Variants in GRK7 observed in about 807,000 individuals in gnomAD.
The protein encoded by GRK7 is rhodopsin kinase GRK7.
Under a neutral mutation model 34.1 loss-of-function variants are expected in GRK7, and 24 were observed. The observed-to-expected ratio is 0.70, with a 90% confidence interval of 0.51 to 0.99. The LOEUF (loss-of-function observed/expected upper bound fraction) is 0.99, where lower values mean the gene tolerates loss of function less well. GRK7 is among the 50% of genes least tolerant of loss of function. The pLI, the probability that GRK7 is intolerant of heterozygous loss-of-function variation, is 0.00. For synonymous variants in GRK7, 256 were observed against 279.4 expected, an observed-to-expected ratio of 0.92 and a Z score of 0.84; for missense variants, 644 against 707.3, an observed-to-expected ratio of 0.91 and a Z score of 1.02.
intron 5 of GRK7, among the ~76,000 whole-genome samples, chr3:141,813,423 G>A (rs753347809): frequency 2.0e-5 from 3 of 152,132 alleles, no homozygotes; most frequent in Non-Finnish European, 4.4e-5. Flanking sequence ...CATGGTGCCC[G>A]GCCTAAAAAT....
Position 141,810,349 on chromosome 3 carries a change from T to G in GRK7, c.1325+2430T>G, listed in dbSNP as rs1404485701. 8.2e-5 allele frequency among the ~76,000 whole-genome samples: 12 copies of G among 146,176 alleles called. No homozygotes were observed. In the South Asian group the frequency reaches 2.6e-3, roughly 31 times the overall value. On this transcript the variant is annotated intron_variant, in intron 5 of 5. Coordinates refer to ENST00000682958, the MANE Select transcript of GRK7 (RefSeq NM_139209.3). ...CTCCCTCTCTCTCTCTCTCGCCTCTTTTCTCTCTCTCTCTCCCATCCCTCC... is the reference window on the plus strand; with the variant it reads ...CTCCCTCTCTCTCTCTCTCGCCTCTGTTCTCTCTCTCTCTCCCATCCCTCC...
At chr3:141,766,759 G>A (rs1232949436) in intron 1 of GRK7, among the ~76,000 whole-genome samples, 1 of 152,012 alleles carries the variant, frequency 6.6e-6, no homozygotes, top group Non-Finnish European at 1.5e-5. Flanking sequence ...TGCTAACATT[G>A]TATTGTTTGG....
intron 5 of GRK7, among the ~76,000 whole-genome samples, chr3:141,815,007 C>T (rs1711136164): frequency 6.9e-6 from 1 of 145,456 alleles, no homozygotes; most frequent in South Asian, 2.4e-4. Flanking sequence ...TCACTGCAAT[C>T]TCCGCCTCCT....
At chr3:141,815,226 G>GTTTTT (rs758074179) in intron 5 of GRK7, among the ~76,000 whole-genome samples, 4 of 104,254 alleles carry the variant, frequency 3.8e-5, no homozygotes, top group African/African-American at 1.6e-4. Flanking sequence ...TGTCTGGTTG[G>GTTTTT]TTTTTTTTGT....
intron 4 of GRK7, among the ~76,000 whole-genome samples, chr3:141,795,994 C>T (rs941534377): frequency 1.3e-5 from 2 of 152,030 alleles, no homozygotes; most frequent in Admixed American, 6.6e-5. Flanking sequence ...TAATGGTTGC[C>T]GTGTCATCTA....
At chr3:141,762,631 G>C (rs1465934563), upstream of GRK7, among the ~76,000 whole-genome samples, 1 of 151,930 alleles carries the variant, frequency 6.6e-6, no homozygotes, top group African/African-American at 2.4e-5. Flanking sequence ...CTTGAGCTGT[G>C]GTGGGCTCCA....
At chr3:141,768,661 T>C (rs1414895680) in intron 1 of GRK7, among the ~76,000 whole-genome samples, 1 of 152,104 alleles carries the variant, frequency 6.6e-6, no homozygotes, top group African/African-American at 2.4e-5. Flanking sequence ...CCCCATCATA[T>C]GTCTCTCCCT....
In GRK7 at chr3:141,811,318, CA is replaced by C. The variant is rs201184972; in HGVS notation, c.1325+3408del. Among the ~76,000 whole-genome samples the C allele has an allele frequency of 7.7e-3, 1,147 of 149,608 alleles. 15 individuals are homozygous for C. Among genetic ancestry groups the C allele is most frequent in the African/African-American group, 0.026 (1,071 of 40,740 alleles). On this transcript the variant is annotated intron_variant, in intron 5 of 5. Transcript: ENST00000682958. ...GGGCAATAAGAGCAAAACTCTGTCT[CA>C]AAAAAAAATTAAAAAAACAAAAATA...
At chr3:141,771,952 C>T (rs2084619174) in intron 1 of GRK7, among the ~76,000 whole-genome samples, 1 of 151,854 alleles carries the variant, frequency 6.6e-6, no homozygotes, top group Admixed American at 6.6e-5. Context: ...CCCAAAAGTG[C>T]TGGGATTACA....
rs200073302 is a variant in GRK7, at chr3:141,816,959, C to G, written c.1571C>G (p.Thr524Arg). The change falls in exon 6 of 6, where the codon ACG becomes AGG. Residue 524 changes from threonine (T) to arginine (R), a missense_variant. Transcript: ENST00000682958. The part of the protein sequence containing the change: ...PIAWQEEIIE[T>R]GLFEELNDPN... ...GCATGGCAGGAAGAAATTATAGAAA[C>G]GGGACTGTTTGAGGAACTGAATGAC... 6.2e-7 allele frequency: 1 copy of G among 1,613,902 alleles called. No homozygotes were observed. Among genetic ancestry groups the G allele is most frequent in the Admixed American group, 1.7e-5 (1 of 59,976 alleles).
In GRK7 at chr3:141,778,781, TC is replaced by T. The variant is rs1321794281; in HGVS notation, c.498del (p.Phe166LeufsTer2). The T allele has an allele frequency of 6.2e-7, 1 of 1,607,742 alleles. No individual in the cohort carries two copies. Among genetic ancestry groups the T allele is most frequent in the Admixed American group, 1.7e-5 (1 of 58,624 alleles). On this transcript the variant is annotated frameshift_variant, in exon 3 of 6. Coordinates refer to ENST00000682958, the MANE Select transcript of GRK7 (RefSeq NM_139209.3). LOFTEE classifies it high-confidence loss of function. The surrounding 1 kb of genome is among the most constrained non-coding windows in gnomAD (Gnocchi z 4.1). The stretch of plus-strand genomic sequence containing the variant: ...TTGCAAGAGCAGCCCTTTAAGGATT[TC>T]GTGACCAGCGCCTTCTACGACAAGT... Reference protein sequence around the residue: ...AFLQEQPFKDFVTSAFYDKFL... With the variant: ...AFLQEQPFKDXVTSAFYDKFL...
rs575663254 is a variant in GRK7, at chr3:141,814,997, T to C, written c.1326-1717T>C. On this transcript the variant is annotated intron_variant, in intron 5 of 5. Transcript: ENST00000682958. ...TGGAGTGCAGTGGCACAATCTTGGC[T>C]CACTGCAATCTCCGCCTCCTGGGTT... 1.3e-3 allele frequency among the ~76,000 whole-genome samples: 199 copies of C among 147,766 alleles called. 1 individual carries two copies. The highest frequency in any genetic ancestry group is 2.4e-3 in the Non-Finnish European group (164 of 67,036).
the GRK7 span, among the ~76,000 whole-genome samples, chr3:141,757,147 C>CTTTTTTTTTTTTTTTTTTTTTTTTTTTT: frequency 1.1e-5 from 1 of 89,452 alleles, no homozygotes; most frequent in Non-Finnish European, 2.2e-5. Flanking sequence ...TTTTTTTTTT[C>CTTTTTTTTTTTTTTTTTTTTTTTTTTTT]TTTTTTTTTT....
chr3:141,778,746 C>T lies in GRK7; in HGVS notation c.462C>T (p.Ala154=). Residue 154 remains alanine (A), a synonymous_variant, in exon 3 of 6, where the codon GCC becomes GCT. Transcript: ENST00000682958. This position sits in a 1 kb window ranked among gnomAD's most constrained non-coding sequence, Gnocchi z 4.1. The part of the protein sequence containing the change: ...VAAVTLAKAE[A]MAFLQEQPFK... ...CAGTGACGCTGGCCAAGGCTGAGGC[C>T]ATGGCTTTCTTGCAAGAGCAGCCCT... is the stretch of plus-strand genomic sequence containing the variant. 2 of 1,609,650 alleles carry T rather than the reference C, an allele frequency of 1.2e-6. No homozygotes were observed. Among genetic ancestry groups the T allele is most frequent in the South Asian group, 2.2e-5 (2 of 90,354 alleles).
intron 4 of GRK7, among the ~76,000 whole-genome samples, chr3:141,802,357 C>T (rs1007987046): frequency 7.0e-6 from 1 of 143,048 alleles, no homozygotes; most frequent in Non-Finnish European, 1.5e-5. Flanking sequence ...CTCTTTCTCT[C>T]TTTCTCTGTC....
chr3:141,753,168 C>G, the GRK7 span, among the ~76,000 whole-genome samples: 2 of 152,330 alleles, frequency 1.3e-5, no homozygotes, highest in South Asian at 2.1e-4. Flanking sequence ...AACACTGTCT[C>G]AGTAAAATAC....
Position 141,778,848 on chromosome 3 carries a change from C to A in GRK7, c.564C>A (p.Asp188Glu). The change falls in exon 3 of 6, where the codon GAC becomes GAA. Residue 188 changes from aspartate to glutamate, a missense_variant. Physicochemically the swap from Asp to Glu is conservative, Grantham distance 45. Coordinates refer to ENST00000682958, the MANE Select transcript of GRK7 (RefSeq NM_139209.3). The surrounding 1 kb of genome is among the most constrained non-coding windows in gnomAD (Gnocchi z 4.1). ...WKLFEMQPVS[D>E]KYFTEFRVLG... Reference sequence around the variant, plus strand: ...TCTTCGAGATGCAACCAGTGTCAGACAAGTACTTCACTGAGTTCAGAGTGC... The same window carrying A: ...TCTTCGAGATGCAACCAGTGTCAGAAAAGTACTTCACTGAGTTCAGAGTGC... 3.1e-6 allele frequency: 5 copies of A among 1,612,548 alleles called. No individual in the cohort carries two copies. The highest frequency in any genetic ancestry group is 4.2e-6 in the Non-Finnish European group (5 of 1,179,284).
At chr3:141,780,889 C>A (rs2084669368) in intron 4 of GRK7, 78 bp downstream of exon 4, 5 of 1,260,246 alleles carry the variant, frequency 4.0e-6, no homozygotes, top group African/African-American at 1.5e-5. Flanking sequence ...ATTCCCAGGG[C>A]AAATAGAGCC....
intron 1 of GRK7, among the ~76,000 whole-genome samples, chr3:141,767,597 T>C (rs906033596): frequency 6.6e-6 from 1 of 152,034 alleles, no homozygotes; most frequent in Non-Finnish European, 1.5e-5. Context: ...GACGGGGTTT[T>C]GCTGTGTTGC....
Sources: allele counts gnomAD v4.1 joint callset (sites outside exome capture counted in the v4.1 genomes callset), GRCh38; gene constraint gnomAD v4.1.1; non-coding constraint Gnocchi (gnomAD v3.1); transcripts MANE v1.5; gene names NCBI Gene and HGNC (gene_info 2026-07-23, HGNC 2026-07-21).